Variants in MCTP2 observed in about 807,000 individuals in gnomAD.
The protein encoded by MCTP2 is multiple C2 and transmembrane domain-containing protein 2.
Under a neutral mutation model 111.6 loss-of-function variants are expected in MCTP2, and 132 were observed. The ratio of observed to expected loss-of-function variants is 1.18; its 90% CI spans 1.03 to 1.37. MCTP2 has a LOEUF of 1.37. Among genes scored for constraint, MCTP2 ranks in the 40% most tolerant of loss-of-function variants. MCTP2 has a pLI of 0.00. For missense variants in MCTP2, 1,183 were observed against 1,067.9 expected, an observed-to-expected ratio of 1.11 and a Z score of -1.50; for synonymous variants, 395 against 387.7, an observed-to-expected ratio of 1.02 and a Z score of -0.22.
intron 17 of MCTP2, among the ~76,000 whole-genome samples, chr15:94,427,194 C>G (rs1028206821): frequency 6.6e-6 from 1 of 152,120 alleles, no homozygotes; most frequent in Admixed American, 6.5e-5. Flanking sequence ...TGCATGCACT[C>G]CAATTTTTGC....
intron 17 of MCTP2, among the ~76,000 whole-genome samples, chr15:94,431,694 CT>C (rs1233813405): frequency 1.3e-5 from 2 of 151,968 alleles, no homozygotes; most frequent in Non-Finnish European, 2.9e-5. Context: ...AAATTTAACC[CT>C]GGATTTTTTT....
Position 94,470,332 on chromosome 15 carries a change from G to A in MCTP2, c.2361-1G>A, listed in dbSNP as rs763504353. On this transcript the variant is annotated splice_acceptor_variant, in intron 20 of 22. Transcript: ENST00000357742. LOFTEE classifies it high-confidence loss of function. Reference sequence around the variant, plus strand: ...ATTATATTTATGTGGTTTGTCTACAGCACATTTAACTGGACGGTCCCCTTC... The same window carrying A: ...ATTATATTTATGTGGTTTGTCTACAACACATTTAACTGGACGGTCCCCTTC... The A allele has an allele frequency of 1.2e-6, 2 of 1,604,144 alleles. No individual in the cohort carries two copies. The highest frequency in any genetic ancestry group is 1.1e-5 in the South Asian group (1 of 90,870).
At chr15:94,363,532 G>A (rs1470363590) in intron 10 of MCTP2, among the ~76,000 whole-genome samples, 2 of 152,076 alleles carry the variant, frequency 1.3e-5, no homozygotes, top group Non-Finnish European at 2.9e-5. Context: ...CATTCTCTCC[G>A]AAAACCTTGA....
chr15:94,416,178 T>A (rs1014044834), intron 17 of MCTP2, among the ~76,000 whole-genome samples: 1 of 152,122 alleles, frequency 6.6e-6, no homozygotes, highest in African/African-American at 2.4e-5. Context: ...ATATAATATT[T>A]ACGTAGCTTC....
At chr15:94,473,492 C>T (rs908218865) in intron 21 of MCTP2, among the ~76,000 whole-genome samples, 1 of 152,234 alleles carries the variant, frequency 6.6e-6, no homozygotes, top group Non-Finnish European at 1.5e-5. Context: ...ATTTTAGTCA[C>T]TTACATGAAG....
intron 1 of MCTP2, among the ~76,000 whole-genome samples, chr15:94,232,298 C>G (rs902106995): frequency 5.3e-5 from 8 of 152,016 alleles, no homozygotes; most frequent in African/African-American, 1.9e-4. Context: ...GATTGGGTTG[C>G]CATAAAAGAG....
chr15:94,342,104 AT>A (rs1567472521), intron 7 of MCTP2: 1 of 152,132 alleles, frequency 6.6e-6, no homozygotes, highest in African/African-American at 2.4e-5. Context: ...GCCAGCTGAT[AT>A]CGTCAAAAAA....
chr15:94,310,874 C>T (rs917797183), intron 2 of MCTP2, among the ~76,000 whole-genome samples: 1 of 151,482 alleles, frequency 6.6e-6, no homozygotes, highest in African/African-American at 2.4e-5. Context: ...TCCAGGAGGT[C>T]GAGGCTGCAG....
At chr15:94,434,207 T>C (rs2083340788) in intron 17 of MCTP2, among the ~76,000 whole-genome samples, 1 of 151,922 alleles carries the variant, frequency 6.6e-6, no homozygotes, top group Non-Finnish European at 1.5e-5. Context: ...GCTTGAGTGA[T>C]TTCTTTGCCT....
At chr15:94,466,594 C>G (rs2073334885) in intron 20 of MCTP2, among the ~76,000 whole-genome samples, 1 of 151,914 alleles carries the variant, frequency 6.6e-6, no homozygotes, top group Non-Finnish European at 1.5e-5. Context: ...GCAATGGTCT[C>G]ATATTAAAAT....
chr15:94,362,699 T>A (rs572153691), intron 10 of MCTP2, among the ~76,000 whole-genome samples: 1 of 152,350 alleles, frequency 6.6e-6, no homozygotes, highest in Admixed American at 6.5e-5. Flanking sequence ...GCCTTTGAGT[T>A]AAAAGCTGAC....
intron 8 of MCTP2, among the ~76,000 whole-genome samples, chr15:94,353,456 A>C (rs2078427985): frequency 6.6e-6 from 1 of 152,182 alleles, no homozygotes; most frequent in Non-Finnish European, 1.5e-5. Context: ...GACAAGTTAG[A>C]TAGAAGCCTT....
intron 1 of MCTP2, among the ~76,000 whole-genome samples, chr15:94,247,268 G>A (rs138016343): frequency 6.1e-4 from 93 of 152,222 alleles, no homozygotes; most frequent in Non-Finnish European, 1.2e-3. Flanking sequence ...CTCCTCATGA[G>A]TGCTTCCTGG....
intron 14 of MCTP2, among the ~76,000 whole-genome samples, chr15:94,395,893 G>A (rs1418119301): frequency 1.3e-5 from 2 of 152,142 alleles, no homozygotes; most frequent in Admixed American, 6.6e-5. Context: ...GGGATCAGCT[G>A]TTAGCATGCT....
intron 2 of MCTP2, among the ~76,000 whole-genome samples, chr15:94,313,057 C>G (rs1045687678): frequency 1.3e-5 from 2 of 152,148 alleles, no homozygotes; most frequent in Non-Finnish European, 2.9e-5. Flanking sequence ...GGGGCTGCCT[C>G]TCATCTCCAA....
At chr15:94,383,298 A>G (rs2080259937) in intron 12 of MCTP2, among the ~76,000 whole-genome samples, 2 of 152,192 alleles carry the variant, frequency 1.3e-5, no homozygotes, top group African/African-American at 2.4e-5. Flanking sequence ...TAGAATAGTA[A>G]TTATGCAGAT....
intron 1 of MCTP2, among the ~76,000 whole-genome samples, chr15:94,242,676 C>A (rs1033017672): frequency 7.7e-6 from 1 of 129,666 alleles, no homozygotes; most frequent in Non-Finnish European, 1.7e-5. Flanking sequence ...AGACACTAGA[C>A]ACTGAAAGTT....
intron 4 of MCTP2, among the ~76,000 whole-genome samples, chr15:94,328,453 G>A (rs16948936): frequency 0.04 from 6,026 of 152,158 alleles, 401 homozygotes; most frequent in African/African-American, 0.14. Flanking sequence ...TCTATACCAC[G>A]ATGATACTTG....
chr15:94,393,982 G>A (rs1158265303), intron 14 of MCTP2, among the ~76,000 whole-genome samples: 5 of 149,632 alleles, frequency 3.3e-5, no homozygotes, highest in African/African-American at 1.2e-4. Flanking sequence ...CTCAGGAGGC[G>A]GAGGTTGTGG....
Sources: allele counts gnomAD v4.1 joint callset (sites outside exome capture counted in the v4.1 genomes callset), GRCh38; gene constraint gnomAD v4.1.1; transcripts MANE v1.5; gene names NCBI Gene and HGNC (gene_info 2026-07-23, HGNC 2026-07-21).